Variants in ANO2 observed in about 807,000 individuals in gnomAD.
ANO2 encodes the protein anoctamin-2.
Under a neutral mutation model 124.2 loss-of-function variants are expected in ANO2, and 101 were observed. The observed-to-expected ratio is 0.81, with a 90% CI of 0.69 to 0.96. ANO2 has a LOEUF of 0.96. Ranked by LOEUF, ANO2 falls within the 40% of genes least tolerant of loss-of-function variation. The pLI is 0.00. For missense variants in ANO2, 1,293 were observed against 1,274.5 expected, an observed-to-expected ratio of 1.01 and a Z score of -0.22; for synonymous variants, 486 against 482.5, an observed-to-expected ratio of 1.01 and a Z score of -0.09.
At chr12:5,839,426 G>A (rs1251927306) in intron 4 of ANO2, among the ~76,000 whole-genome samples, 1 of 152,142 alleles carries the variant, frequency 6.6e-6, no homozygotes, top group Non-Finnish European at 1.5e-5. Flanking sequence ...AGATGACTCG[G>A]CAATGGAGGA....
At chr12:5,930,101 A>C (rs570292075) in intron 1 of ANO2, among the ~76,000 whole-genome samples, 1 of 130,630 alleles carries the variant, frequency 7.7e-6, no homozygotes, top group African/African-American at 2.7e-5. Context: ...TTCTTTCCTT[A>C]TTAGTCACTT....
At chr12:5,829,399 A>G (rs781749864) in intron 6 of ANO2, among the ~76,000 whole-genome samples, 8 of 152,214 alleles carry the variant, frequency 5.3e-5, no homozygotes, top group Non-Finnish European at 1.2e-4. Context: ...TGCCTAAAAC[A>G]CTAGGCTAAG....
intron 14 of ANO2, among the ~76,000 whole-genome samples, chr12:5,710,785 T>C (rs1949783169): frequency 6.6e-6 from 1 of 152,174 alleles, no homozygotes; most frequent in South Asian, 2.1e-4. Context: ...GGGAGTCATG[T>C]TCCTATCAAT....
In ANO2 at chr12:5,783,873, T is replaced by C. The variant is rs146356954; in HGVS notation, c.1055+15634A>G. 9.3e-3 allele frequency among the ~76,000 whole-genome samples: 1,420 copies of C among 152,290 alleles called. 7 individuals carry two copies. The highest frequency in any genetic ancestry group is 0.02 in the Middle Eastern group (6 of 294). ...TGCCCCACTTCCGCAAGGCCCTGCT[T>C]TGCACTGGCTACGACCTAATTCTGG... On this transcript the variant is annotated intron_variant, in intron 10 of 24. Coordinates refer to ENST00000682330, the MANE Select transcript of ANO2 (RefSeq NM_001364791.2).
intron 9 of ANO2, among the ~76,000 whole-genome samples, chr12:5,804,894 G>T (rs1953144394): frequency 6.6e-6 from 1 of 152,058 alleles, no homozygotes; most frequent in Non-Finnish European, 1.5e-5. Flanking sequence ...ACAGGCAATG[G>T]ATGGTGATCA....
chr12:5,733,932 CT>C (rs1481705712), intron 13 of ANO2, among the ~76,000 whole-genome samples: 1 of 152,084 alleles, frequency 6.6e-6, no homozygotes, highest in East Asian at 1.9e-4. Flanking sequence ...TCTTCTTATC[CT>C]AACATAAAGA....
At chr12:5,620,048 A>T (rs561868585) in intron 16 of ANO2, among the ~76,000 whole-genome samples, 171 of 152,332 alleles carry the variant, frequency 1.1e-3, no homozygotes, top group Non-Finnish European at 2.1e-3. Flanking sequence ...AGGTGAGGAG[A>T]AATGTGTTTG....
At chr12:5,775,310 A>G (rs141428672) in intron 10 of ANO2, among the ~76,000 whole-genome samples, 1 of 152,206 alleles carries the variant, frequency 6.6e-6, no homozygotes, top group African/African-American at 2.4e-5. Context: ...AAAATTCTAC[A>G]AAACAAGAAC....
intron 3 of ANO2, among the ~76,000 whole-genome samples, chr12:5,882,281 G>A (rs1938556531): frequency 6.6e-6 from 1 of 152,198 alleles, no homozygotes; most frequent in Admixed American, 6.5e-5. Context: ...ACACTAGAAG[G>A]AGGTGGATAT....
chr12:5,628,176 AAGCTCGCAGGACCCCAAAGCCTGTGG>A (rs1174839575), intron 16 of ANO2, among the ~76,000 whole-genome samples: 1 of 152,070 alleles, frequency 6.6e-6, no homozygotes, highest in East Asian at 1.9e-4. Context: ...AAAACTTATA[AAGCTCGCAGGACCCCAAAGCCTGTGG>A]AGCTCCTCTC....
At chr12:5,905,668 T>A (rs1232819546) in intron 3 of ANO2, among the ~76,000 whole-genome samples, 1 of 151,930 alleles carries the variant, frequency 6.6e-6, no homozygotes, top group East Asian at 1.9e-4. Context: ...CCATGACAAA[T>A]CCAAGTCCAT....
At chr12:5,603,282 C>T (rs983137112) in intron 19 of ANO2, among the ~76,000 whole-genome samples, 1 of 152,050 alleles carries the variant, frequency 6.6e-6, no homozygotes, top group East Asian at 1.9e-4. Context: ...GCAATGGGGA[C>T]ATTTAAACAA....
chr12:5,877,140 G>C (rs1216679782), intron 3 of ANO2, among the ~76,000 whole-genome samples: 2 of 152,270 alleles, frequency 1.3e-5, no homozygotes, highest in East Asian at 1.9e-4. Flanking sequence ...TTTGCAGATA[G>C]AATTTGTTTA....
intron 1 of ANO2, among the ~76,000 whole-genome samples, chr12:5,923,103 TAC>T (rs1282420295): frequency 1.1e-3 from 7 of 6,148 alleles, no homozygotes; most frequent in African/African-American, 1.6e-3. Flanking sequence ...CGCACACACA[TAC>T]ACACACATGC....
chr12:5,928,466 TCGTC>T lies in ANO2; in HGVS notation c.23-5666_23-5663del, dbSNP rs2077096857. ...TCCTTCCTCCGTAGTCTACTTTCCTTCGTCACTAGTCTACTTTCCTTCCTCACTG... is the reference window on the plus strand; with the variant it reads ...TCCTTCCTCCGTAGTCTACTTTCCTTACTAGTCTACTTTCCTTCCTCACTG... On this transcript the variant is annotated intron_variant, in intron 1 of 24. Coordinates refer to ENST00000682330, the MANE Select transcript of ANO2 (RefSeq NM_001364791.2). Among the ~76,000 whole-genome samples, 25 of 98,142 alleles carry T rather than the reference TCGTC, an allele frequency of 2.5e-4. 4 individuals carry two copies. The Admixed American group carries it at 2.9e-3, about 11-fold the overall frequency. 64.4% of individuals were successfully genotyped at this position (98,142 alleles called of 152,430 possible).
At chr12:5,638,248 T>C (rs1383591006) in intron 15 of ANO2, among the ~76,000 whole-genome samples, 1 of 144,410 alleles carries the variant, frequency 6.9e-6, no homozygotes, top group Non-Finnish European at 1.5e-5. Flanking sequence ...TTTTTTTTTT[T>C]TTTTTGAGAC....
rs779175147 is a variant in ANO2 at position 5,612,741 on chromosome 12, AG to A, written c.2001del (p.Cys668ValfsTer18). On this transcript the variant is annotated frameshift_variant, in exon 19 of 25. Transcript: ENST00000682330. LOFTEE classifies it high-confidence loss of function. ...GYRMEECAPG[G>X]CLMELCIQLS... The stretch of plus-strand genomic sequence containing the variant: ...AGCTGAATGCAGAGCTCCATGAGAC[AG>A]CCCCCTGGAGCACACTGCAGGGAGA... The A allele has an allele frequency of 6.2e-7, 1 of 1,613,872 alleles. No individual in the cohort carries two copies. Among genetic ancestry groups the A allele is most frequent in the East Asian group, 2.2e-5 (1 of 44,868 alleles).
intron 4 of ANO2, among the ~76,000 whole-genome samples, chr12:5,846,375 A>G (rs2137241687): frequency 6.6e-6 from 1 of 152,328 alleles, no homozygotes; most frequent in Middle Eastern, 3.4e-3. Flanking sequence ...CCCAAACCCA[A>G]TGACAACAAA....
chr12:5,921,705 C>T (rs997338606), intron 2 of ANO2, among the ~76,000 whole-genome samples: 3 of 152,234 alleles, frequency 2.0e-5, no homozygotes, highest in Admixed American at 6.5e-5. Flanking sequence ...CACACGCCCA[C>T]GCCTGCACAC....
Sources: gnomAD v4.1 joint callset for allele counts (sites outside exome capture counted in the v4.1 genomes callset) on GRCh38, gnomAD v4.1.1 for gene constraint, MANE v1.5 for transcripts, NCBI Gene and HGNC (gene_info 2026-07-23, HGNC 2026-07-21) for gene names.